PALD1: variants seen among roughly 807,000 people sequenced by gnomAD.
PALD1 encodes paladin.
A neutral mutation model predicts 96.0 loss-of-function variants in PALD1; 57 were observed. That is an observed-to-expected ratio of 0.59 (90% CI 0.48 to 0.74). The LOEUF (loss-of-function observed/expected upper bound fraction) is 0.74, where lower values mean the gene tolerates loss of function less well. Ranked by LOEUF, PALD1 falls within the 30% of genes least tolerant of loss-of-function variation. PALD1 has a pLI of 0.00. For synonymous variants in PALD1, 464 were observed against 473.6 expected (o/e 0.98, Z 0.26); for missense variants, 1,063 against 1,143.7 (o/e 0.93, Z 1.02).
intron 1 of PALD1, among the ~76,000 whole-genome samples, chr10:70,483,981 C>G (rs1845974451): frequency 6.6e-6 from 1 of 152,122 alleles, no homozygotes; most frequent in South Asian, 2.1e-4. Flanking sequence ...CACTGAACAT[C>G]AGCATCTGGC....
chr10:70,506,552 C>G (rs1846395451), intron 1 of PALD1, among the ~76,000 whole-genome samples: 1 of 152,174 alleles, frequency 6.6e-6, no homozygotes, highest in Admixed American at 6.5e-5. Flanking sequence ...ATCCTTTCCC[C>G]CAACTAACCT....
chr10:70,562,900 G>A (rs1366891333), intron 18 of PALD1, among the ~76,000 whole-genome samples: 1 of 151,974 alleles, frequency 6.6e-6, no homozygotes, highest in African/African-American at 2.4e-5. Flanking sequence ...CCCAAATCAT[G>A]GAGAACCTAG....
At chr10:70,551,098 C>T (rs532125205) in intron 18 of PALD1, among the ~76,000 whole-genome samples, 3 of 152,286 alleles carry the variant, frequency 2.0e-5, no homozygotes, top group African/African-American at 7.2e-5. Context: ...ACTCCCAGCC[C>T]ACGCTCCTCC....
the PALD1 span, among the ~76,000 whole-genome samples, chr10:70,470,506 G>A: frequency 4.2e-5 from 1 of 23,698 alleles, no homozygotes; most frequent in African/African-American, 8.1e-5. Flanking sequence ...GTGTATACAA[G>A]CCTATAAGTG....
intron 2 of PALD1, 48 bp downstream of exon 2, chr10:70,526,184 C>A: frequency 6.6e-7 from 1 of 1,520,820 alleles, no homozygotes; most frequent in Non-Finnish European, 9.1e-7. Context: ...ACATGATGGG[C>A]GGGGGGACCT....
At chr10:70,509,856 C>T (rs1043782968) in intron 1 of PALD1, among the ~76,000 whole-genome samples, 1 of 152,190 alleles carries the variant, frequency 6.6e-6, no homozygotes, top group Non-Finnish European at 1.5e-5. Context: ...CAGCTCTGCT[C>T]CTGGCTGTTG....
intron 17 of PALD1, among the ~76,000 whole-genome samples, chr10:70,542,685 G>A (rs918125682): frequency 1.3e-5 from 2 of 152,126 alleles, no homozygotes; most frequent in Non-Finnish European, 2.9e-5. Context: ...TCCATCAAGG[G>A]ACACTATTTG....
intron 1 of PALD1, among the ~76,000 whole-genome samples, chr10:70,481,071 A>G (rs1391862159): frequency 6.6e-6 from 1 of 152,244 alleles, no homozygotes; most frequent in African/African-American, 2.4e-5. Context: ...GGAGGCAGAC[A>G]TGTAAGTGGA....
At position 70,532,790 on chromosome 10, in the gene PALD1, G is replaced by C. The variant is rs745602119; in HGVS notation, c.794+9G>C. 14 of 1,613,762 alleles carry C rather than the reference G, an allele frequency of 8.7e-6. No individual in the cohort carries two copies. The East Asian group carries it at 2.9e-4, about 33-fold the overall frequency. ...CTGCAGCCCACCTACAGGTACCACAGGGCCACCCCCAGCCCTGGCCATGGG... is the reference window on the plus strand; with the variant it reads ...CTGCAGCCCACCTACAGGTACCACACGGCCACCCCCAGCCCTGGCCATGGG... On this transcript the variant is annotated intron_variant, in intron 6 of 19. Transcript: ENST00000263563.
intron 1 of PALD1, among the ~76,000 whole-genome samples, chr10:70,507,091 TTATCTTTCTATTAAAAAAAA>T (rs1016737530): frequency 6.6e-5 from 10 of 152,036 alleles, no homozygotes; most frequent in Middle Eastern, 3.2e-3. Flanking sequence ...ATTAAAAAAA[TTATCTTTCTATTAAAAAAAA>T]TTTTTTTAGG....
intron 18 of PALD1, among the ~76,000 whole-genome samples, chr10:70,548,709 C>T (rs1847418482): frequency 6.6e-6 from 1 of 152,224 alleles, no homozygotes; most frequent in Admixed American, 6.5e-5. Flanking sequence ...GCAGAGGGGG[C>T]CTGCCCCAAG....
chr10:70,524,853 A>G (rs1026017864), intron 1 of PALD1, among the ~76,000 whole-genome samples: 13 of 152,230 alleles, frequency 8.5e-5, no homozygotes, highest in South Asian at 2.1e-4. Context: ...TCAACAAAAC[A>G]TCGTGGTACA....
At chr10:70,524,992 G>C (rs1433272925) in intron 1 of PALD1, among the ~76,000 whole-genome samples, 1 of 152,036 alleles carries the variant, frequency 6.6e-6, no homozygotes, top group Non-Finnish European at 1.5e-5. Context: ...TATAGATGTT[G>C]ATTCAGATTT....
At chr10:70,548,348 A>G (rs1847409854) in intron 18 of PALD1, among the ~76,000 whole-genome samples, 1 of 151,948 alleles carries the variant, frequency 6.6e-6, no homozygotes. Context: ...AACCATCTGG[A>G]TTTTCAGCCT....
chr10:70,462,808 C>G, the PALD1 span, among the ~76,000 whole-genome samples: 1 of 152,220 alleles, frequency 6.6e-6, no homozygotes, highest in South Asian at 2.1e-4. Flanking sequence ...GCTGAGCTCT[C>G]TGGTTTTTTA....
In PALD1 at chr10:70,557,930, C is replaced by CTTTTTT. The variant is rs781513750; in HGVS notation, c.2263-6419_2263-6414dup. ...CTGAACCTGGCCTTGTTGGCTCTTC[C>CTTTTTT]TTTTTTTTTTTTTTTTTTTTAGAGA... On this transcript the variant is annotated intron_variant, in intron 18 of 19. Coordinates refer to ENST00000263563, the MANE Select transcript of PALD1 (RefSeq NM_014431.3). Among the ~76,000 whole-genome samples, 146 of 92,876 alleles carry CTTTTTT rather than the reference C, an allele frequency of 1.6e-3. 17 individuals carry two copies. The highest frequency in any genetic ancestry group is 2.6e-3 in the South Asian group (6 of 2,282). 60.9% of individuals were successfully genotyped at this position (92,876 alleles called of 152,430 possible).
chr10:70,459,064 C>T, the PALD1 span, among the ~76,000 whole-genome samples: 1 of 151,842 alleles, frequency 6.6e-6, no homozygotes, highest in Non-Finnish European at 1.5e-5. Context: ...CATCCGCCCA[C>T]CCACTGCTTC....
intron 18 of PALD1, among the ~76,000 whole-genome samples, chr10:70,549,208 C>A (rs2132418627): frequency 6.6e-6 from 1 of 152,294 alleles, no homozygotes; most frequent in Admixed American, 6.5e-5. Flanking sequence ...TTGGGTCCCA[C>A]TCACAATGGT....
intron 18 of PALD1, among the ~76,000 whole-genome samples, chr10:70,556,111 G>A (rs1260379372): frequency 6.6e-6 from 1 of 152,128 alleles, no homozygotes; most frequent in Non-Finnish European, 1.5e-5. Context: ...CAGCCCTGCA[G>A]TGCTATGAGC....
Sources: gnomAD v4.1 joint callset for allele counts (sites outside exome capture counted in the v4.1 genomes callset) on GRCh38, gnomAD v4.1.1 for gene constraint, MANE v1.5 for transcripts, NCBI Gene and HGNC (gene_info 2026-07-23, HGNC 2026-07-21) for gene names.